ITGA1: variants seen among roughly 807,000 people sequenced by gnomAD.
The protein encoded by ITGA1 is integrin subunit alpha 1.
ITGA1 carries 85 observed loss-of-function variants against 145.9 expected under a neutral mutation model. The observed-to-expected ratio is 0.58, with a 90% confidence interval of 0.49 to 0.70. The LOEUF is 0.70. Ranked by LOEUF, ITGA1 falls within the 30% of genes least tolerant of loss-of-function variation. ITGA1 has a pLI of 0.00. For synonymous variants in ITGA1, 520 were observed against 495.3 expected, an observed-to-expected ratio of 1.05 and a Z score of -0.66; for missense variants, 1,351 against 1,418.7, an observed-to-expected ratio of 0.95 and a Z score of 0.77.
At chr5:52,838,220 T>C (rs1749194193) in intron 1 of ITGA1, among the ~76,000 whole-genome samples, 1 of 152,148 alleles carries the variant, frequency 6.6e-6, no homozygotes, top group African/African-American at 2.4e-5. Context: ...GGAGAGAAAT[T>C]ATACAGAATC....
chr5:52,928,134 G>C (rs1750840992), intron 20 of ITGA1, among the ~76,000 whole-genome samples: 1 of 152,078 alleles, frequency 6.6e-6, no homozygotes, highest in Non-Finnish European at 1.5e-5. Context: ...AAGGTATTTT[G>C]TACAAGGTAT....
intron 6 of ITGA1, among the ~76,000 whole-genome samples, chr5:52,871,625 G>T (rs541749760): frequency 1.0e-5 from 1 of 99,216 alleles, no homozygotes; most frequent in Non-Finnish European, 2.0e-5. Flanking sequence ...TAAAAAAAAA[G>T]AAAAGGAAAG....
chr5:52,800,881 G>A lies in ITGA1; in HGVS notation c.61+12467G>A, dbSNP rs759316671. 5 of 1,612,892 alleles carry A rather than the reference G, an allele frequency of 3.1e-6. No individual in the cohort carries two copies. In the South Asian group the frequency reaches 3.3e-5, roughly 11 times the overall value. ...CAGCATGACCCTCACTCGGGCCAAGGTGGAGGTGAACATCCCTAGGAAAAG... is the reference window on the plus strand; with the variant it reads ...CAGCATGACCCTCACTCGGGCCAAGATGGAGGTGAACATCCCTAGGAAAAG... On this transcript the variant is annotated intron_variant, in intron 1 of 28. Coordinates refer to ENST00000282588, the MANE Select transcript of ITGA1 (RefSeq NM_181501.2).
chr5:52,889,156 A>G (rs986244591), intron 8 of ITGA1, among the ~76,000 whole-genome samples: 2 of 151,274 alleles, frequency 1.3e-5, no homozygotes, highest in African/African-American at 4.9e-5. Flanking sequence ...GCTGGAGTGA[A>G]GTGGCACGAT....
chr5:52,931,999 A>G (rs552885998), intron 21 of ITGA1, 48 bp from the exon 22 acceptor site: 2 of 1,099,294 alleles, frequency 1.8e-6, no homozygotes, highest in Admixed American at 3.5e-5. Flanking sequence ...ATGTCTTTAA[A>G]TAGTCAAGAT....
chr5:52,871,096 C>T (rs1185063177), intron 6 of ITGA1, among the ~76,000 whole-genome samples: 1 of 152,216 alleles, frequency 6.6e-6, no homozygotes, highest in Non-Finnish European at 1.5e-5. Context: ...TTCTCAACTA[C>T]AGGCTTCTTA....
At chr5:52,945,116 C>T in intron 27 of ITGA1, 81 bp downstream of exon 27, 1 of 1,072,038 alleles carries the variant, frequency 9.3e-7, no homozygotes, top group Non-Finnish European at 1.4e-6. Context: ...TGTTGATAGT[C>T]CCTTAAGCAG....
chr5:52,920,235 AAAGAG>A (rs1750710660), intron 16 of ITGA1, 92 bp from the exon 17 acceptor site: 1 of 944,886 alleles, frequency 1.1e-6, no homozygotes. Context: ...ATTGATTGCC[AAAGAG>A]ATTTTTCTAT....
intron 1 of ITGA1, among the ~76,000 whole-genome samples, chr5:52,821,117 T>A (rs1169809835): frequency 2.6e-5 from 4 of 152,218 alleles, no homozygotes; most frequent in Non-Finnish European, 5.9e-5. Flanking sequence ...TAATAAATGT[T>A]GGTTGATTAA....
intron 26 of ITGA1, among the ~76,000 whole-genome samples, chr5:52,940,436 T>C (rs186573773): frequency 2.0e-5 from 3 of 148,556 alleles, no homozygotes; most frequent in African/African-American, 5.0e-5. Flanking sequence ...TGAGACGGAG[T>C]GTCTCTCTGT....
chr5:52,857,948 CA>C (rs1187035961), intron 2 of ITGA1, among the ~76,000 whole-genome samples: 3 of 152,124 alleles, frequency 2.0e-5, no homozygotes, highest in African/African-American at 7.2e-5. Flanking sequence ...GAATTGCCTC[CA>C]AAAAACTTAC....
chr5:52,882,899 T>A (rs1374788615), intron 7 of ITGA1: 1 of 152,224 alleles, frequency 6.6e-6, no homozygotes, highest in South Asian at 2.1e-4. Flanking sequence ...TAATTACCCA[T>A]GCTCTCACTT....
intron 6 of ITGA1, among the ~76,000 whole-genome samples, chr5:52,874,588 T>C (rs1424019551): frequency 6.6e-6 from 1 of 152,154 alleles, no homozygotes; most frequent in Non-Finnish European, 1.5e-5. Context: ...CCTTTCATGT[T>C]CACACACTCA....
At chr5:52,822,670 C>G (rs1748898543) in intron 1 of ITGA1, among the ~76,000 whole-genome samples, 1 of 152,204 alleles carries the variant, frequency 6.6e-6, no homozygotes. Context: ...TTGACACTGT[C>G]TCACCCAGTG....
At chr5:52,819,774 GT>G (rs1468452800) in intron 1 of ITGA1, among the ~76,000 whole-genome samples, 38 of 152,240 alleles carry the variant, frequency 2.5e-4, no homozygotes, top group African/African-American at 8.7e-4. Context: ...GGTTTTTATG[GT>G]TTTAGATCTG....
chr5:52,922,818 C>T lies in ITGA1; in HGVS notation c.2334C>T (p.Asp778=). 1.2e-6 allele frequency: 2 copies of T among 1,613,588 alleles called. No individual in the cohort carries two copies. The highest frequency in any genetic ancestry group is 2.2e-5 in the South Asian group (2 of 91,066). The change falls in exon 18 of 29, where the codon GAC becomes GAT. Residue 778 remains aspartate, a synonymous_variant. Transcript: ENST00000282588. Reference sequence around the variant, plus strand: ...AGGACTCTGTGAGAATAACGTTGGACTTTAATCTTACCGATCCAGAAAATG... The same window carrying T: ...AGGACTCTGTGAGAATAACGTTGGATTTTAATCTTACCGATCCAGAAAATG... ...DFQDSVRITL[D]FNLTDPENGP...
intron 20 of ITGA1, among the ~76,000 whole-genome samples, chr5:52,928,352 A>G (rs1750844309): frequency 6.6e-6 from 1 of 152,184 alleles, no homozygotes; most frequent in African/African-American, 2.4e-5. Context: ...GAATGCTTCA[A>G]ATAGATTGGT....
intron 19 of ITGA1, among the ~76,000 whole-genome samples, chr5:52,926,735 G>C (rs779739082): frequency 6.6e-6 from 1 of 151,954 alleles, no homozygotes; most frequent in Non-Finnish European, 1.5e-5. Context: ...TTAATGGCCT[G>C]GCAGAGAGGC....
rs533629099 is a variant in ITGA1 at position 52,806,716 on chromosome 5, A to G, written c.61+18302A>G. Among the ~76,000 whole-genome samples the G allele has an allele frequency of 3.4e-4, 51 of 152,192 alleles. 1 individual carries two copies. In the South Asian group the frequency reaches 9.9e-3, roughly 30 times the overall value. ...CTATTTTGCAGTATTTAATATCTCT[A>G]TTTTCAGTAACATGTTATTATATTG... On this transcript the variant is annotated intron_variant, in intron 1 of 28. Coordinates refer to ENST00000282588, the MANE Select transcript of ITGA1 (RefSeq NM_181501.2).
Sources: gnomAD v4.1 joint callset for allele counts (sites outside exome capture counted in the v4.1 genomes callset) on GRCh38, gnomAD v4.1.1 for gene constraint, MANE v1.5 for transcripts, NCBI Gene and HGNC (gene_info 2026-07-23, HGNC 2026-07-21) for gene names.